Variants in ABCC3 observed in about 807,000 individuals in gnomAD.
ABCC3 encodes the protein ATP binding cassette subfamily C member 3, also known as ATP-binding cassette sub-family C member 3.
Under a neutral mutation model 165.3 loss-of-function variants are expected in ABCC3, and 121 were observed. That is an observed-to-expected ratio of 0.73 (90% CI 0.63 to 0.85). The LOEUF (loss-of-function observed/expected upper bound fraction) is 0.85. ABCC3 is among the 40% of genes least tolerant of loss of function. ABCC3 has a pLI of 0.00. For synonymous variants in ABCC3, 733 were observed against 810.1 expected (o/e 0.90, Z 1.62); for missense variants, 1,869 against 1,964.1 (o/e 0.95, Z 0.92).
At chr17:50,653,471 C>T (rs1379116175) in intron 1 of ABCC3, among the ~76,000 whole-genome samples, 2 of 151,808 alleles carry the variant, frequency 1.3e-5, no homozygotes, top group African/African-American at 4.8e-5. Flanking sequence ...AAAGACTCGG[C>T]TGGGCGTGGT....
intron 1 of ABCC3, among the ~76,000 whole-genome samples, chr17:50,652,281 A>G (rs1266666088): frequency 6.6e-6 from 1 of 152,244 alleles, no homozygotes; most frequent in Non-Finnish European, 1.5e-5. Flanking sequence ...GTACAGTAAT[A>G]TAAAACTCCT....
intron 28 of ABCC3, among the ~76,000 whole-genome samples, chr17:50,684,387 T>C (rs1020737318): frequency 2.0e-4 from 31 of 152,120 alleles, no homozygotes; most frequent in Non-Finnish European, 2.6e-4. Flanking sequence ...CATTCTGCCC[T>C]GGTCTTTTTG....
intron 1 of ABCC3, among the ~76,000 whole-genome samples, chr17:50,645,498 G>A (rs1391389817): frequency 2.0e-5 from 3 of 151,186 alleles, no homozygotes; most frequent in Non-Finnish European, 3.0e-5. Context: ...ATAGTAAAAT[G>A]TTTGAACTTT....
At chr17:50,665,750 C>T (rs1308591489) in intron 11 of ABCC3, among the ~76,000 whole-genome samples, 1 of 151,716 alleles carries the variant, frequency 6.6e-6, no homozygotes. Flanking sequence ...GGACTACAGG[C>T]ACATGCCACC....
At position 50,669,523 on chromosome 17, in the gene ABCC3, G is replaced by A. The variant is rs1250386812; in HGVS notation, c.2236G>A (p.Glu746Lys). The change falls in exon 17 of 31, where the codon GAG (glutamate) becomes AAG (lysine). Residue 746 changes from glutamate to lysine, a missense_variant. By Grantham distance (56) the Glu-to-Lys change is moderately conservative. Coordinates refer to ENST00000285238, the MANE Select transcript of ABCC3 (RefSeq NM_003786.4). Reference sequence around the variant, plus strand: ...TGGTGGGGATCAGACAGAGATTGGAGAGAAGGTACAGAGTCCTCTTCCATC... The same window carrying A: ...TGGTGGGGATCAGACAGAGATTGGAAAGAAGGTACAGAGTCCTCTTCCATC... ...LPGGDQTEIG[E>K]KGINLSGGQR... 2.5e-6 allele frequency: 4 copies of A among 1,614,170 alleles called. No individual in the cohort carries two copies. The highest frequency in any genetic ancestry group is 1.1e-5 in the South Asian group (1 of 91,086).
In ABCC3 at chr17:50,668,904, C is replaced by T; in HGVS notation, c.1922C>T (p.Pro641Leu). The T allele has an allele frequency of 6.2e-7, 1 of 1,614,044 alleles. No individual in the cohort carries two copies. The highest frequency in any genetic ancestry group is 8.5e-7 in the Non-Finnish European group (1 of 1,179,942). ...ACCTTCACCTGGGCCCAGGACCTGC[C>T]CCCCACTCTGCACAGGTACCAGCTT... ...SGTFTWAQDL[P>L]PTLHSLDIQV... The change falls in exon 15 of 31, where the codon CCC becomes CTC. Residue 641 changes from proline to leucine, a missense_variant. Transcript: ENST00000285238.
intron 29 of ABCC3, 56 bp downstream of exon 29, chr17:50,684,931 C>T (rs190256952): frequency 9.7e-5 from 153 of 1,579,268 alleles, no homozygotes; most frequent in African/African-American, 3.5e-4. Flanking sequence ...GAAACCCTGG[C>T]GGGTGCTGGG....
intron 27 of ABCC3, 64 bp downstream of exon 27, chr17:50,683,820 TG>T (rs1259589279): frequency 6.4e-7 from 1 of 1,566,734 alleles, no homozygotes; most frequent in East Asian, 2.3e-5. Context: ...ACAGCCCTTG[TG>T]GGGAGCTTGG....
chr17:50,680,603 A>G (rs887480176), intron 26 of ABCC3, among the ~76,000 whole-genome samples: 3 of 151,950 alleles, frequency 2.0e-5, no homozygotes, highest in African/African-American at 7.3e-5. Context: ...GTCTCTGTCC[A>G]TCAGCTTCTC....
In ABCC3 at chr17:50,660,896, C is replaced by T. The variant is rs182409381; in HGVS notation, c.807-27C>T. ...CTGGAGCCCCTGTCCCCATTCCTAA[C>T]CCACTGCTCCTTCCTCCCTGGACCA... On this transcript the variant is annotated intron_variant, in intron 7 of 30. Transcript: ENST00000285238. 421 of 1,560,422 alleles carry T rather than the reference C, an allele frequency of 2.7e-4. 2 individuals carry two copies. In the African/African-American group the frequency reaches 5.2e-3, roughly 19 times the overall value.
chr17:50,691,386 G>A lies in ABCC3; in HGVS notation c.*186G>A. The A allele has an allele frequency of 1.8e-6, 1 of 554,690 alleles. No individual in the cohort carries two copies. The highest frequency in any genetic ancestry group is 2.8e-5 in the Admixed American group (1 of 35,172). 34.4% of individuals were successfully genotyped at this position (554,690 alleles called of 1,614,324 possible). On this transcript the variant is annotated 3_prime_UTR_variant, in exon 31 of 31. Coordinates refer to ENST00000285238, the MANE Select transcript of ABCC3 (RefSeq NM_003786.4). Reference sequence around the variant, plus strand: ...GATGAGGAAATGATCCCCAAGTGGTGAATGACACGCCTAAGGTCACAGCTA... The same window carrying A: ...GATGAGGAAATGATCCCCAAGTGGTAAATGACACGCCTAAGGTCACAGCTA...
At position 50,687,736 on chromosome 17, in the gene ABCC3, A is replaced by T; in HGVS notation, c.4475+6A>T. 7 of 1,610,656 alleles carry T rather than the reference A, an allele frequency of 4.3e-6. No homozygotes were observed. The highest frequency in any genetic ancestry group is 5.9e-6 in the Non-Finnish European group (7 of 1,177,010). ...ACTATCATGGACTACACCAGGTGGG[A>T]CACGGAAACCTGAGCAATGGGGAAC... On this transcript the variant is annotated splice_donor_region_variant and intron_variant, in intron 30 of 30. Transcript: ENST00000285238.
In ABCC3 at chr17:50,668,462, C is replaced by T. The variant is rs760129038; in HGVS notation, c.1815C>T (p.Phe605=). ...ASVSLKRIQQ[F]LSQEELDPQS... ...TGTCTCTGAAACGGATCCAGCAATT[C>T]CTGAGCCAAGAGGAACTTGACCCCC... The change falls in exon 14 of 31, where the codon TTC becomes TTT. Residue 605 remains phenylalanine (F), a synonymous_variant. Transcript: ENST00000285238. 5.6e-6 allele frequency: 9 copies of T among 1,613,856 alleles called. No individual in the cohort carries two copies. Among genetic ancestry groups the T allele is most frequent in the Non-Finnish European group, 7.6e-6 (9 of 1,179,944 alleles).
intron 1 of ABCC3, among the ~76,000 whole-genome samples, chr17:50,653,875 G>A (rs1967167613): frequency 6.6e-6 from 1 of 152,122 alleles, no homozygotes; most frequent in African/African-American, 2.4e-5. Context: ...TTTAGAACTC[G>A]GCATTTGCTT....
rs950010239 is a variant in ABCC3, at chr17:50,635,291, C to T, written c.45+310C>T. On this transcript the variant is annotated intron_variant, in intron 1 of 30. Transcript: ENST00000285238. ...CACAGTGCGTGGCTGGGTGAGTCGG[C>T]TCCATCCCAGCCCCTCCGTCGGGTG... 9 of 622,880 alleles carry T rather than the reference C, an allele frequency of 1.4e-5. No individual in the cohort carries two copies. The Admixed American group carries it at 1.8e-4, about 13-fold the overall frequency. The allele number at this position is 622,880 out of a possible 1,614,324, so 38.6% of individuals were successfully genotyped here.
intron 1 of ABCC3, among the ~76,000 whole-genome samples, chr17:50,636,561 G>A (rs1392623608): frequency 1.3e-5 from 2 of 152,328 alleles, no homozygotes; most frequent in East Asian, 1.9e-4. Flanking sequence ...TGCCTCATGA[G>A]CACACTTCCT....
At position 50,691,552 on chromosome 17, in the gene ABCC3, CT is replaced by C. The variant is rs1968124458; in HGVS notation, c.*353del. On this transcript the variant is annotated 3_prime_UTR_variant, in exon 31 of 31. Transcript: ENST00000285238. The stretch of plus-strand genomic sequence containing the variant: ...TTTCATATTTTCTAAAGTTTCGTTT[CT>C]GTTTTTTAATAAAAAGCTTTTTCCT... The C allele has an allele frequency of 5.0e-6, 1 of 201,968 alleles. No homozygotes were observed. Among genetic ancestry groups the C allele is most frequent in the Non-Finnish European group, 1.0e-5 (1 of 97,408 alleles). The allele number at this position is 201,968 out of a possible 1,614,324, so 12.5% of individuals were successfully genotyped here.
chr17:50,679,576 C>T (rs3785912), intron 25 of ABCC3: 138,083 of 416,686 alleles, frequency 0.33, 25,822 homozygotes, highest in South Asian at 0.43. Context: ...GAAACCAAGG[C>T]GAGGTGGTCC....
chr17:50,660,666 G>A lies in ABCC3; in HGVS notation c.807-257G>A, dbSNP rs550507349. On this transcript the variant is annotated intron_variant, in intron 7 of 30. Transcript: ENST00000285238. ...CCTGGAGCCAGCACTGGGGAGGCGG[G>A]GAGAGGGCCAGACTGGGGGGATAGC... 4.2e-3 allele frequency among the ~76,000 whole-genome samples: 637 copies of A among 152,206 alleles called. 7 individuals carry two copies. Among genetic ancestry groups the A allele is most frequent in the African/African-American group, 0.015 (606 of 41,526 alleles).
Sources: allele counts gnomAD v4.1 joint callset (sites outside exome capture counted in the v4.1 genomes callset), GRCh38; gene constraint gnomAD v4.1.1; transcripts MANE v1.5; gene names NCBI Gene and HGNC (gene_info 2026-07-23, HGNC 2026-07-21).